Variants in ADAM28 observed in about 807,000 individuals in gnomAD.
ADAM28 encodes ADAM metallopeptidase domain 28.
A neutral mutation model predicts 101.2 loss-of-function variants in ADAM28; 105 were observed. The observed-to-expected ratio is 1.04, with a 90% CI of 0.89 to 1.22. The LOEUF (loss-of-function observed/expected upper bound fraction) is 1.22. Among genes scored for constraint, ADAM28 ranks in the 50% most tolerant of loss-of-function variants. The pLI, the probability that ADAM28 is intolerant of heterozygous loss-of-function variation, is 0.00. For missense variants in ADAM28, 1,028 were observed against 945.4 expected, an observed-to-expected ratio of 1.09 and a Z score of -1.15; for synonymous variants, 322 against 310.6, an observed-to-expected ratio of 1.04 and a Z score of -0.39.
chr8:24,353,721 C>T (rs1162231179), intron 21 of ADAM28, 49 bp from the exon 22 acceptor site: 3 of 1,142,356 alleles, frequency 2.6e-6, no homozygotes, highest in Non-Finnish European at 4.0e-6. Context: ...TAAGATGGGA[C>T]AAGCATAGCA....
chr8:24,343,305 T>A, intron 17 of ADAM28, 124 bp downstream of exon 17: 1 of 1,240,806 alleles, frequency 8.1e-7, no homozygotes, highest in South Asian at 1.4e-5. Context: ...TATCCAAGCC[T>A]TCAGTAGCAT....
At chr8:24,328,921 CA>C (rs36091498) in intron 10 of ADAM28, among the ~76,000 whole-genome samples, 479 of 135,412 alleles carry the variant, frequency 3.5e-3, no homozygotes, top group African/African-American at 8.6e-3. Flanking sequence ...GACACAGTCT[CA>C]AAAAAAAAAA....
At chr8:24,352,110 G>A (rs893757873) in intron 21 of ADAM28, 58 bp downstream of exon 21, 3 of 1,438,730 alleles carry the variant, frequency 2.1e-6, no homozygotes, top group Middle Eastern at 3.5e-4. Flanking sequence ...AAATATCGGT[G>A]AAAGTCATAG....
In ADAM28 at chr8:24,354,167, C is replaced by T. The variant is rs556725782; in HGVS notation, c.2308-217C>T. Among the ~76,000 whole-genome samples, 9 of 152,172 alleles carry T rather than the reference C, an allele frequency of 5.9e-5. No individual in the cohort carries two copies. The East Asian group carries it at 1.7e-3, about 29-fold the overall frequency. On this transcript the variant is annotated intron_variant, in intron 22 of 22. Transcript: ENST00000265769. ...GGTCCCCTACCTTCTCCATATTATG[C>T]TAATTACCGGATAGATACTTAGATC...
In ADAM28 at chr8:24,356,586, T is replaced by A. The variant is rs984463327; in HGVS notation, c.*2182T>A. On this transcript the variant is annotated 3_prime_UTR_variant, in exon 23 of 23. Coordinates refer to ENST00000265769, the MANE Select transcript of ADAM28 (RefSeq NM_014265.6). The stretch of plus-strand genomic sequence containing the variant: ...ACCCAAGTCCTACAATGTTTCCCTT[T>A]CAGCTCAACTGCAGAATAGTTTAGA... The A allele has an allele frequency of 2.0e-5, 3 of 152,204 alleles. No individual in the cohort carries two copies. Among genetic ancestry groups the A allele is most frequent in the Non-Finnish European group, 4.4e-5 (3 of 68,036 alleles). The allele number at this position is 152,204 out of a possible 1,614,324, so 9.4% of individuals were successfully genotyped here. A position where few individuals can be genotyped will look rare whatever the true frequency, so the allele number is the denominator to read the frequency against.
intron 14 of ADAM28, among the ~76,000 whole-genome samples, chr8:24,338,419 C>T (rs1318687569): frequency 6.6e-6 from 1 of 152,144 alleles, no homozygotes; most frequent in Admixed American, 6.6e-5. Context: ...TTAGGAATAT[C>T]ATGCTTCTCC....
intron 2 of ADAM28, chr8:24,300,753 C>A (rs1344792372): frequency 6.6e-6 from 1 of 152,096 alleles, no homozygotes; most frequent in Non-Finnish European, 1.5e-5. Flanking sequence ...CTACGTACTT[C>A]CAAAAGAAAA....
intron 8 of ADAM28, among the ~76,000 whole-genome samples, chr8:24,323,601 C>G (rs1184042442): frequency 6.6e-6 from 1 of 151,814 alleles, no homozygotes; most frequent in African/African-American, 2.4e-5. Flanking sequence ...TACCACCCCC[C>G]ACCCAAAAAA....
intron 2 of ADAM28, among the ~76,000 whole-genome samples, chr8:24,305,451 CTTTTTTTTTTTTTTTT>C (rs10654023): frequency 2.4e-3 from 158 of 65,464 alleles, no homozygotes; most frequent in Non-Finnish European, 3.2e-3. Context: ...TAAGAGGTTT[CTTTTTTTTTTTTTTTT>C]TTTTTTTTTT....
rs1585779194 is a variant in ADAM28 at position 24,357,513 on chromosome 8, C to T, written c.*3109C>T. 1.3e-5 allele frequency: 2 copies of T among 152,196 alleles called. No individual in the cohort carries two copies. Among genetic ancestry groups the T allele is most frequent in the East Asian group, 3.9e-4 (2 of 5,170 alleles). 9.4% of individuals were successfully genotyped at this position (152,196 alleles called of 1,614,324 possible). A position where few individuals can be genotyped will look rare whatever the true frequency, so the allele number is the denominator to read the frequency against. On this transcript the variant is annotated 3_prime_UTR_variant, in exon 23 of 23. Coordinates refer to ENST00000265769, the MANE Select transcript of ADAM28 (RefSeq NM_014265.6). ...ATGGAAGATGTGTATGAAGGAGGAACTGTCAAACACTTATAAAACCATCAG... is the reference window on the plus strand; with the variant it reads ...ATGGAAGATGTGTATGAAGGAGGAATTGTCAAACACTTATAAAACCATCAG...
At chr8:24,318,898 T>A (rs906633971) in intron 6 of ADAM28, among the ~76,000 whole-genome samples, 52 of 151,892 alleles carry the variant, frequency 3.4e-4, no homozygotes, top group African/African-American at 1.2e-3. Flanking sequence ...ACACAATCAA[T>A]CCAGTGCTAT....
chr8:24,294,278 T>A, intron 1 of ADAM28, 83 bp downstream of exon 1: 3 of 1,490,036 alleles, frequency 2.0e-6, no homozygotes, highest in Non-Finnish European at 1.9e-6. Flanking sequence ...TTGTATAAAC[T>A]ATTTTGACTT....
chr8:24,299,215 T>C (rs1418805045), intron 1 of ADAM28, among the ~76,000 whole-genome samples: 5 of 151,964 alleles, frequency 3.3e-5, no homozygotes, highest in African/African-American at 4.8e-5. Context: ...ACAAAATGAC[T>C]TCTAAAGACA....
chr8:24,312,812 T>G (rs1484500166), intron 5 of ADAM28, among the ~76,000 whole-genome samples: 1 of 152,142 alleles, frequency 6.6e-6, no homozygotes, highest in South Asian at 2.1e-4. Context: ...GAATGAACCC[T>G]GGTTCAAGGC....
At chr8:24,336,995 CAG>C (rs1563313791) in intron 14 of ADAM28, among the ~76,000 whole-genome samples, 1 of 152,124 alleles carries the variant, frequency 6.6e-6, no homozygotes, top group African/African-American at 2.4e-5. Context: ...TTCCTGAAAA[CAG>C]AGCTAAAACA....
In ADAM28 at chr8:24,313,521, G is replaced by A. The variant is rs1320488904; in HGVS notation, c.517G>A (p.Gly173Ser). 2.5e-6 allele frequency: 4 copies of A among 1,613,738 alleles called. No individual in the cohort carries two copies. Among genetic ancestry groups the A allele is most frequent in the African/African-American group, 1.3e-5 (1 of 74,886 alleles). ...TTATGACAGCACCTGTGGGATGGAT[G>A]GTGTGTTGTGGGCCCACGATTTGCA... is the stretch of plus-strand genomic sequence containing the variant. ...KNYDSTCGMD[G>S]VLWAHDLQQN... Residue 173 changes from glycine to serine, a missense_variant, in exon 6 of 23, where the codon GGT (glycine) becomes AGT (serine). Gly to Ser is a moderately conservative substitution (Grantham distance 56). Transcript: ENST00000265769.
At chr8:24,335,022 G>T (rs1354161115) in intron 13 of ADAM28, among the ~76,000 whole-genome samples, 2 of 152,158 alleles carry the variant, frequency 1.3e-5, no homozygotes, top group Non-Finnish European at 2.9e-5. Flanking sequence ...TCTGGTGCTT[G>T]TAAGCTTATC....
intron 2 of ADAM28, among the ~76,000 whole-genome samples, chr8:24,306,890 C>A (rs7819362): frequency 0.17 from 26,126 of 151,994 alleles, 2,340 homozygotes; most frequent in East Asian, 0.33. Flanking sequence ...TCATATCTCA[C>A]TCCTGCCCTG....
chr8:24,319,398 G>A (rs1210477708), intron 6 of ADAM28, among the ~76,000 whole-genome samples: 1 of 151,920 alleles, frequency 6.6e-6, no homozygotes, highest in Non-Finnish European at 1.5e-5. Flanking sequence ...GAGCTCACAT[G>A]GTGATTTCAC....
Sources: gnomAD v4.1 joint callset for allele counts (sites outside exome capture counted in the v4.1 genomes callset) on GRCh38, gnomAD v4.1.1 for gene constraint, MANE v1.5 for transcripts, NCBI Gene and HGNC (gene_info 2026-07-23, HGNC 2026-07-21) for gene names.